The following KLHL13 variants were observed in gnomAD, a reference collection of about 807,000 sequenced individuals.
The protein encoded by KLHL13 is kelch like family member 13, also known as kelch-like protein 13.
In KLHL13, 10 loss-of-function variants were observed where a neutral mutation model predicts 37.1. That is an observed-to-expected ratio of 0.27 (90% CI 0.17 to 0.46). KLHL13 has a LOEUF of 0.46. KLHL13 is among the 20% of genes least tolerant of loss of function. The pLI is 1.00. For missense variants in KLHL13, 360 were observed against 509.3 expected (o/e 0.71, Z 2.82); for synonymous variants, 163 against 181.2 (o/e 0.90, Z 0.81).
At chrX:117,963,853 T>C (rs1245069541) in intron 1 of KLHL13, among the ~76,000 whole-genome samples, 1 of 106,638 alleles carries the variant, frequency 9.4e-6, no homozygotes, top group African/African-American at 3.4e-5. Flanking sequence ...CATGGAATAC[T>C]ATGCAGCCAT....
At chrX:117,966,836 C>T (rs1254203987) in intron 1 of KLHL13, among the ~76,000 whole-genome samples, 1 of 111,608 alleles carries the variant, frequency 9.0e-6, no homozygotes, top group Non-Finnish European at 1.9e-5. Flanking sequence ...ATAAATGGTG[C>T]TGGGAAAACT....
intron 1 of KLHL13, among the ~76,000 whole-genome samples, chrX:118,103,485 G>C (rs1281780629): frequency 9.0e-6 from 1 of 111,696 alleles, no homozygotes; most frequent in Non-Finnish European, 1.9e-5. Flanking sequence ...TACTGAAAAA[G>C]TGTAAAATGA....
exon 1 of KLHL13, chrX:117,972,811 T>C: frequency 8.3e-7 from 1 of 1,211,323 alleles, no homozygotes; most frequent in Non-Finnish European, 1.1e-6. Context: ...GAGAGCTCGT[T>C]TTCCATTTCA....
At chrX:118,107,786 G>A (rs1365632859) in intron 1 of KLHL13, among the ~76,000 whole-genome samples, 2 of 111,710 alleles carry the variant, frequency 1.8e-5, no homozygotes, top group African/African-American at 6.5e-5. Context: ...GAGGCCAGGT[G>A]CAGTGGCTCA....
At chrX:118,067,593 T>C (rs2054809127) in intron 1 of KLHL13, among the ~76,000 whole-genome samples, 1 of 112,024 alleles carries the variant, frequency 8.9e-6, no homozygotes, top group African/African-American at 3.2e-5. Context: ...TATTTCTTTA[T>C]ATCCTTATTC....
intron 1 of KLHL13, among the ~76,000 whole-genome samples, chrX:118,005,351 T>C (rs191691844): frequency 3.1e-3 from 350 of 112,162 alleles, no homozygotes; most frequent in Non-Finnish European, 5.1e-3. Context: ...ACAGCCATTA[T>C]CTTAATACCC....
intron 1 of KLHL13, among the ~76,000 whole-genome samples, chrX:118,082,831 C>T (rs2055011447): frequency 9.0e-6 from 1 of 111,345 alleles, no homozygotes; most frequent in Admixed American, 9.6e-5. Context: ...CCTATTTCCC[C>T]CAGCACCACT....
intron 1 of KLHL13, among the ~76,000 whole-genome samples, chrX:118,048,239 G>T (rs917794191): frequency 9.0e-6 from 1 of 111,389 alleles, no homozygotes; most frequent in Non-Finnish European, 1.9e-5. Context: ...TACTAGAGCA[G>T]GTAAATCTGA....
In KLHL13 at chrX:117,920,379, AG is replaced by A; in HGVS notation, c.241-10del. 8.3e-7 allele frequency: 1 copy of A among 1,202,074 alleles called. No individual in the cohort carries two copies. The highest frequency in any genetic ancestry group is 2.3e-5 in the Admixed American group (1 of 43,713). ...CGAAGCTGGTCAAAGCCCTACAACA[AG>A]AACATGAGTTGAGTCACTAATCAAG... On this transcript the variant is annotated splice_polypyrimidine_tract_variant and intron_variant, in intron 2 of 6. Coordinates refer to ENST00000262820, the Ensembl canonical transcript of KLHL13.
intron 1 of KLHL13, among the ~76,000 whole-genome samples, chrX:118,110,082 TAGAA>T (rs2055390887): frequency 9.0e-6 from 1 of 111,504 alleles, no homozygotes; most frequent in Non-Finnish European, 1.9e-5. Context: ...TTAGTTTAGT[TAGAA>T]AGGAAAAGGC....
intron 1 of KLHL13, among the ~76,000 whole-genome samples, chrX:118,063,965 AT>A (rs1236146381): frequency 3.6e-5 from 4 of 111,274 alleles, no homozygotes; most frequent in African/African-American, 6.5e-5. Context: ...GCTGTTATAT[AT>A]TTTTTTCCGA....
At chrX:118,042,664 A>C (rs1009517188) in intron 1 of KLHL13, among the ~76,000 whole-genome samples, 8 of 111,947 alleles carry the variant, frequency 7.1e-5, no homozygotes, top group African/African-American at 2.6e-4. Context: ...TATAAAAAGA[A>C]ATTAAGAAGG....
At chrX:117,901,312 T>C (rs753494424) in intron 6 of KLHL13, among the ~76,000 whole-genome samples, 1 of 111,369 alleles carries the variant, frequency 9.0e-6, no homozygotes, top group East Asian at 2.8e-4. Flanking sequence ...ATGGTGTTTA[T>C]CAGAATACAG....
intron 1 of KLHL13, among the ~76,000 whole-genome samples, chrX:118,097,158 A>G (rs1010127014): frequency 1.8e-5 from 2 of 111,666 alleles, no homozygotes; most frequent in Non-Finnish European, 3.8e-5. Context: ...TGCAGATGAC[A>G]TGATTATATA....
At chrX:117,920,177 T>C (rs1402039189) in intron 3 of KLHL13, 61 bp downstream of exon 4, 5 of 1,125,836 alleles carry the variant, frequency 4.4e-6, no homozygotes, top group East Asian at 3.0e-5. Flanking sequence ...ATAAAAAAGA[T>C]TTAAACACGG....
At chrX:117,898,941 T>C (rs774675529) in exon 7 of KLHL13, 2 of 1,209,495 alleles carry the variant, frequency 1.7e-6, no homozygotes, top group East Asian at 5.9e-5. Context: ...CTCTAGAAGG[T>C]GATGGTGTGG....
chrX:118,023,403 CTCTTT>C (rs2054241414), intron 1 of KLHL13, among the ~76,000 whole-genome samples: 1 of 110,515 alleles, frequency 9.0e-6, no homozygotes, highest in Admixed American at 9.7e-5. Context: ...CTTTTAAGGG[CTCTTT>C]TCTATTCTTA....
chrX:118,051,557 A>G (rs2054614378), intron 1 of KLHL13, among the ~76,000 whole-genome samples: 1 of 110,702 alleles, frequency 9.0e-6, no homozygotes, highest in African/African-American at 3.3e-5. Flanking sequence ...AGTAATAAAT[A>G]AATAAATAAA....
intron 1 of KLHL13, among the ~76,000 whole-genome samples, chrX:118,060,343 TG>T (rs778029167): frequency 9.0e-6 from 1 of 111,381 alleles, no homozygotes; most frequent in African/African-American, 3.3e-5. Flanking sequence ...TGCATATTAT[TG>T]AGTATAAAGG....
Sources: gnomAD v4.1 joint callset for allele counts (sites outside exome capture counted in the v4.1 genomes callset) on GRCh38, gnomAD v4.1.1 for gene constraint, MANE v1.5 for transcripts, NCBI Gene and HGNC (gene_info 2026-07-23, HGNC 2026-07-21) for gene names.